GALNTL6: variants seen among roughly 807,000 people sequenced by gnomAD.
GALNTL6 encodes polypeptide N-acetylgalactosaminyltransferase-like 6.
GALNTL6 carries 46 observed loss-of-function variants against 73.7 expected under a neutral mutation model. That is an observed-to-expected ratio of 0.62 (90% CI 0.49 to 0.80). The LOEUF (loss-of-function observed/expected upper bound fraction) is 0.80. GALNTL6 is among the 30% of genes least tolerant of loss of function. GALNTL6 has a pLI of 0.00. For synonymous variants in GALNTL6, 259 were observed against 263.7 expected (o/e 0.98, Z 0.17); for missense variants, 604 against 755.0 (o/e 0.80, Z 2.34).
At chr4:172,490,233 T>C (rs1296531738) in intron 5 of GALNTL6, among the ~76,000 whole-genome samples, 1 of 152,090 alleles carries the variant, frequency 6.6e-6, no homozygotes, top group Non-Finnish European at 1.5e-5. Context: ...TGACCTGAAG[T>C]CTTTTGTGTT....
At chr4:172,186,813 G>A (rs1364295307) in intron 2 of GALNTL6, among the ~76,000 whole-genome samples, 1 of 152,030 alleles carries the variant, frequency 6.6e-6, no homozygotes, top group East Asian at 1.9e-4. Context: ...ATGTGTATAC[G>A]TTTCCTTTTG....
chr4:172,902,656 C>T (rs554628984), intron 8 of GALNTL6, among the ~76,000 whole-genome samples: 19 of 152,296 alleles, frequency 1.2e-4, no homozygotes, highest in Admixed American at 9.8e-4. Flanking sequence ...CTAACAAACT[C>T]GGGAGCCCTA....
chr4:172,194,456 C>T (rs1735687139), intron 2 of GALNTL6, among the ~76,000 whole-genome samples: 1 of 152,088 alleles, frequency 6.6e-6, no homozygotes, highest in Non-Finnish European at 1.5e-5. Context: ...CAGAGAAGCT[C>T]AGTAGGATAA....
chr4:172,924,116 G>C (rs1747926744), intron 8 of GALNTL6, among the ~76,000 whole-genome samples: 1 of 152,134 alleles, frequency 6.6e-6, no homozygotes, highest in South Asian at 2.1e-4. Context: ...AAAACTTCAA[G>C]AAAAAATCCA....
intron 5 of GALNTL6, among the ~76,000 whole-genome samples, chr4:172,727,979 C>A (rs945218514): frequency 1.8e-4 from 28 of 152,060 alleles, no homozygotes; most frequent in African/African-American, 6.5e-4. Context: ...GTGGCGGGAT[C>A]TCAGCTCACT....
rs566584298 is a variant in GALNTL6 at position 171,997,893 on chromosome 4, C to T, written c.138+183175C>T. Among the ~76,000 whole-genome samples the T allele has an allele frequency of 1.2e-4, 18 of 152,248 alleles. 1 individual carries two copies. The South Asian group carries it at 3.7e-3, about 32-fold the overall frequency. ...AGTTAGGAACGTGTTTCCACACTAA[C>T]ATCCATGCTAACATTAACTCCCACA... On this transcript the variant is annotated intron_variant, in intron 2 of 12. Transcript: ENST00000506823.
intron 8 of GALNTL6, among the ~76,000 whole-genome samples, chr4:172,930,557 A>G (rs1748279286): frequency 6.6e-6 from 1 of 152,240 alleles, no homozygotes; most frequent in Non-Finnish European, 1.5e-5. Context: ...AAATATCTAT[A>G]TAAATAAGAT....
chr4:172,220,077 C>T (rs1451641692), intron 2 of GALNTL6, among the ~76,000 whole-genome samples: 3 of 151,840 alleles, frequency 2.0e-5, no homozygotes, highest in Non-Finnish European at 4.4e-5. Flanking sequence ...AAACTCAGCA[C>T]ATCTCTGTCC....
At chr4:172,785,052 C>CA (rs1265922516) in intron 5 of GALNTL6, among the ~76,000 whole-genome samples, 1 of 152,014 alleles carries the variant, frequency 6.6e-6, no homozygotes, top group Non-Finnish European at 1.5e-5. Flanking sequence ...CGATATTATA[C>CA]AAAATGAAAT....
intron 5 of GALNTL6, among the ~76,000 whole-genome samples, chr4:172,492,695 T>C (rs1033265121): frequency 6.6e-6 from 1 of 152,198 alleles, no homozygotes; most frequent in Non-Finnish European, 1.5e-5. Context: ...AACTGGCCTA[T>C]GATTCAGTTT....
At chr4:172,043,540 A>G (rs1393473513) in intron 2 of GALNTL6, among the ~76,000 whole-genome samples, 1 of 152,126 alleles carries the variant, frequency 6.6e-6, no homozygotes, top group Non-Finnish European at 1.5e-5. Context: ...ATACATAATG[A>G]TATATAACCA....
intron 2 of GALNTL6, among the ~76,000 whole-genome samples, chr4:172,166,321 C>G (rs1734623770): frequency 1.3e-5 from 2 of 152,066 alleles, no homozygotes; most frequent in Non-Finnish European, 2.9e-5. Context: ...TGGCGCATGC[C>G]TGTAATCCCA....
intron 5 of GALNTL6, among the ~76,000 whole-genome samples, chr4:172,548,744 T>C (rs948762897): frequency 6.6e-6 from 1 of 152,214 alleles, no homozygotes; most frequent in Non-Finnish European, 1.5e-5. Flanking sequence ...TTCCAGTTTA[T>C]GTTTAGATTT....
At chr4:172,012,989 T>G (rs1225120584) in intron 2 of GALNTL6, among the ~76,000 whole-genome samples, 2 of 152,042 alleles carry the variant, frequency 1.3e-5, no homozygotes, top group Non-Finnish European at 2.9e-5. Context: ...TAGCAATTAC[T>G]GATTGGCTTC....
chr4:172,002,557 C>G (rs1740711209), intron 2 of GALNTL6, among the ~76,000 whole-genome samples: 1 of 152,054 alleles, frequency 6.6e-6, no homozygotes, highest in Non-Finnish European at 1.5e-5. Flanking sequence ...ATCTGTAATA[C>G]TAACTATATT....
intron 5 of GALNTL6, among the ~76,000 whole-genome samples, chr4:172,639,452 C>T (rs1031293580): frequency 6.6e-6 from 1 of 152,098 alleles, no homozygotes; most frequent in Non-Finnish European, 1.5e-5. Flanking sequence ...AAAACCACAG[C>T]TCTTCACCTA....
At chr4:172,898,350 A>G (rs1396996606) in intron 8 of GALNTL6, among the ~76,000 whole-genome samples, 2 of 151,624 alleles carry the variant, frequency 1.3e-5, no homozygotes, top group African/African-American at 4.8e-5. Context: ...ATCAAATTTC[A>G]GAGCTTATAA....
intron 2 of GALNTL6, among the ~76,000 whole-genome samples, chr4:171,994,699 G>T (rs1351665372): frequency 6.6e-6 from 1 of 151,164 alleles, no homozygotes; most frequent in Non-Finnish European, 1.5e-5. Flanking sequence ...TTTTGTTGCT[G>T]TGTTATTGCT....
chr4:172,719,616 T>A (rs1445932586), intron 5 of GALNTL6, among the ~76,000 whole-genome samples: 1 of 152,150 alleles, frequency 6.6e-6, no homozygotes, highest in African/African-American at 2.4e-5. Context: ...TGTGGCTTAA[T>A]GAGAGCGTTT....
Sources: gnomAD v4.1 joint callset for allele counts (sites outside exome capture counted in the v4.1 genomes callset) on GRCh38, gnomAD v4.1.1 for gene constraint, MANE v1.5 for transcripts, NCBI Gene and HGNC (gene_info 2026-07-23, HGNC 2026-07-21) for gene names.